BRD4: variants seen among roughly 807,000 people sequenced by gnomAD.
BRD4 encodes the protein bromodomain-containing protein 4.
A neutral mutation model predicts 142.1 loss-of-function variants in BRD4; 16 were observed. That is an observed-to-expected ratio of 0.11 (90% CI 0.08 to 0.17). BRD4 has a LOEUF of 0.17. Among genes scored for constraint, BRD4 ranks in the 10% least tolerant of loss-of-function variants. The probability of loss-of-function intolerance (pLI) is 1.00; values close to 1 mark genes in which losing one functional copy is unlikely to be tolerated. For missense variants in BRD4, 1,424 were observed against 1,810.9 expected (o/e 0.79, Z 3.88); for synonymous variants, 833 against 707.5 (o/e 1.18, Z -2.82).
rs1319478102 is a variant in BRD4 at position 15,236,472 on chromosome 19, G to C, written c.*1905C>G. The C allele has an allele frequency of 6.6e-6, 1 of 151,544 alleles. No homozygotes were observed. The highest frequency in any genetic ancestry group is 2.4e-5 in the African/African-American group (1 of 41,106). The allele number at this position is 151,544 out of a possible 1,614,324, so 9.4% of individuals were successfully genotyped here. Reference sequence around the variant, plus strand: ...GGAGTTAGGTTGAGGCAGGCAAGGTGGGAGAAGTGGCCCAAGTCCTTTGGT... The same window carrying C: ...GGAGTTAGGTTGAGGCAGGCAAGGTCGGAGAAGTGGCCCAAGTCCTTTGGT... On this transcript the variant is annotated 3_prime_UTR_variant, in exon 20 of 20. Transcript: ENST00000679869.
intron 13 of BRD4, among the ~76,000 whole-genome samples, chr19:15,243,832 G>GT (rs1361152895): frequency 2.6e-5 from 4 of 152,160 alleles, no homozygotes; most frequent in Non-Finnish European, 5.9e-5. Context: ...TATCCCCCAG[G>GT]TGAGTGCTGT....
chr19:15,303,412 G>A lies in BRD4; in HGVS notation c.-35+28878C>T, dbSNP rs552308078. On this transcript the variant is annotated intron_variant, in intron 1 of 19. Coordinates refer to ENST00000679869, the MANE Select transcript of BRD4 (RefSeq NM_001379291.1). ...CTATTTGCCTATGCGGGGATGGGGCGGGGGGAGAAGACGGTTAGGCAACAC... is the reference window on the plus strand; with the variant it reads ...CTATTTGCCTATGCGGGGATGGGGCAGGGGGAGAAGACGGTTAGGCAACAC... Among the ~76,000 whole-genome samples, 77 of 151,870 alleles carry A rather than the reference G, an allele frequency of 5.1e-4. 1 individual carries two copies. In the South Asian group the frequency reaches 0.013, roughly 27 times the overall value.
At chr19:15,328,921 G>A (rs2048132934) in intron 1 of BRD4, among the ~76,000 whole-genome samples, 1 of 152,128 alleles carries the variant, frequency 6.6e-6, no homozygotes, top group African/African-American at 2.4e-5. Context: ...TTACAGGCAT[G>A]CGCCACTATG....
rs200938410 is a variant in BRD4, at chr19:15,263,565, G to C, written c.1213-17C>G. The C allele has an allele frequency of 6.2e-7, 1 of 1,613,896 alleles. No individual in the cohort carries two copies. Among genetic ancestry groups the C allele is most frequent in the Non-Finnish European group, 8.5e-7 (1 of 1,179,770 alleles). On this transcript the variant is annotated splice_polypyrimidine_tract_variant and intron_variant, in intron 6 of 19. Transcript: ENST00000679869. ...CAGTTTAGACTGGAAAACAAGACAA[G>C]TCCCTGTTAGCTGTGTCTGCCCATG...
intron 7 of BRD4, among the ~76,000 whole-genome samples, chr19:15,262,200 G>A (rs979498579): frequency 7.9e-5 from 12 of 152,098 alleles, no homozygotes; most frequent in South Asian, 2.1e-4. Flanking sequence ...GCCTGGCACC[G>A]ATCCACAGGT....
At chr19:15,273,309 C>T (rs573168019) in intron 1 of BRD4, among the ~76,000 whole-genome samples, 176 bp from the exon 2 acceptor site, 2 of 152,308 alleles carry the variant, frequency 1.3e-5, no homozygotes, top group Admixed American at 6.5e-5. Flanking sequence ...GTCTCCTCTC[C>T]CCAAAGACTT....
Position 15,272,860 on chromosome 19 carries a change from T to C in BRD4, c.240A>G (p.Ala80=), listed in dbSNP as rs774481795. The change falls in exon 2 of 20, where the codon GCA becomes GCG. Residue 80 remains alanine, a synonymous_variant. Coordinates refer to ENST00000679869, the MANE Select transcript of BRD4 (RefSeq NM_001379291.1). ...VLKTLWKHQF[A]WPFQQPVDAV... ...CATCCACAGGCTGCTGGAAAGGCCATGCAAACTGGTGTTTCCATAGTGTCT... is the reference window on the plus strand; with the variant it reads ...CATCCACAGGCTGCTGGAAAGGCCACGCAAACTGGTGTTTCCATAGTGTCT... 5.0e-6 allele frequency: 8 copies of C among 1,614,040 alleles called. No homozygotes were observed. The Admixed American group carries it at 1.3e-4, about 27-fold the overall frequency.
In BRD4 at chr19:15,238,451, G is replaced by A. The variant is rs763189436; in HGVS notation, c.4021-6C>T. 8.1e-6 allele frequency: 13 copies of A among 1,614,114 alleles called. No homozygotes were observed. Among genetic ancestry groups the A allele is most frequent in the South Asian group, 7.7e-5 (7 of 91,080 alleles). ...ATGTCAATGGTAGCTGCCATCTGGA[G>A]GAGAAAGGAAGGAGGGAGTCAGGAG... On this transcript the variant is annotated splice_region_variant and splice_polypyrimidine_tract_variant and intron_variant, in intron 19 of 19. Transcript: ENST00000679869. The surrounding 1 kb of genome is among the most constrained non-coding windows in gnomAD (Gnocchi z 7.2).
At chr19:15,280,498 C>G in intron 1 of BRD4, 1 of 959,752 alleles carries the variant, frequency 1.0e-6, no homozygotes, top group Non-Finnish European at 1.3e-6. Context: ...CCTGCAGCAC[C>G]TGGCCATCTG....
intron 1 of BRD4, among the ~76,000 whole-genome samples, chr19:15,279,789 T>C (rs560098000): frequency 6.6e-6 from 1 of 152,214 alleles, no homozygotes; most frequent in Non-Finnish European, 1.5e-5. Flanking sequence ...TGGGACCAGC[T>C]ATACTTTGTA....
chr19:15,288,791 CTG>C lies in BRD4; in HGVS notation c.-34-15660_-34-15659del, dbSNP rs1193256834. Among the ~76,000 whole-genome samples, 5 of 152,312 alleles carry C rather than the reference CTG, an allele frequency of 3.3e-5. No individual in the cohort carries two copies. In the East Asian group the frequency reaches 7.7e-4, roughly 24 times the overall value. ...AGGGCTGAGTTCTAAGCACACTACT[CTG>C]TGAATGGCATGAATGAGCTCTTTCA... is the stretch of plus-strand genomic sequence containing the variant. On this transcript the variant is annotated intron_variant, in intron 1 of 19. Transcript: ENST00000679869.
chr19:15,269,375 G>A lies in BRD4; in HGVS notation c.286-333C>T, dbSNP rs527673023. On this transcript the variant is annotated intron_variant, in intron 2 of 19. Transcript: ENST00000679869. ...TCTTTCACTTTTAATAAATAAGGGG[G>A]AAACCAGGCAGCCTTTTAAAAAGCA... Among the ~76,000 whole-genome samples the A allele has an allele frequency of 2.0e-5, 3 of 152,258 alleles. No individual in the cohort carries two copies. In the East Asian group the frequency reaches 5.8e-4, roughly 29 times the overall value.
At chr19:15,323,414 T>C (rs1158568385) in intron 1 of BRD4, among the ~76,000 whole-genome samples, 1 of 152,162 alleles carries the variant, frequency 6.6e-6, no homozygotes, top group Non-Finnish European at 1.5e-5. Context: ...CACCTCCATG[T>C]AGTTTTTTTG....
intron 11 of BRD4, among the ~76,000 whole-genome samples, chr19:15,250,104 G>C (rs1335946380): frequency 1.3e-5 from 2 of 152,068 alleles, no homozygotes; most frequent in African/African-American, 4.8e-5. Context: ...CTACTCCCTG[G>C]CCCCTGAGTG....
rs907711148 is a variant in BRD4 at position 15,312,725 on chromosome 19, C to T, written c.-35+19565G>A. Among the ~76,000 whole-genome samples, 3 of 151,712 alleles carry T rather than the reference C, an allele frequency of 2.0e-5. No individual in the cohort carries two copies. The East Asian group carries it at 5.9e-4, about 30-fold the overall frequency. On this transcript the variant is annotated intron_variant, in intron 1 of 19. Coordinates refer to ENST00000679869, the MANE Select transcript of BRD4 (RefSeq NM_001379291.1). Reference sequence around the variant, plus strand: ...CTGAGGTAGGTGAACCACCTGAGGTCAGGAGTTCTAGACCAGCCTGGCCAA... The same window carrying T: ...CTGAGGTAGGTGAACCACCTGAGGTTAGGAGTTCTAGACCAGCCTGGCCAA...
At chr19:15,270,846 C>T (rs1016927513) in intron 2 of BRD4, among the ~76,000 whole-genome samples, 6 of 152,148 alleles carry the variant, frequency 3.9e-5, no homozygotes, top group Admixed American at 3.9e-4. Context: ...TGCCCTGAGA[C>T]CACTCTCACT....
intron 2 of BRD4, among the ~76,000 whole-genome samples, chr19:15,272,142 C>A (rs1404960162): frequency 6.6e-6 from 1 of 152,136 alleles, no homozygotes; most frequent in Non-Finnish European, 1.5e-5. Context: ...GCTTGCAGAA[C>A]AGTTTGCTAG....
intron 2 of BRD4, among the ~76,000 whole-genome samples, chr19:15,271,109 C>T (rs1019979432): frequency 6.6e-6 from 1 of 152,164 alleles, no homozygotes; most frequent in Non-Finnish European, 1.5e-5. Context: ...TCCCGCTGGC[C>T]AGCACTGTTC....
At chr19:15,254,130 C>T (rs368559633) in intron 11 of BRD4, 22 bp downstream of exon 11, 61 of 1,596,738 alleles carry the variant, frequency 3.8e-5, no homozygotes, top group Non-Finnish European at 4.7e-5. Flanking sequence ...TGGTAAGACA[C>T]GTAGAACACA....
Sources: allele counts gnomAD v4.1 joint callset (sites outside exome capture counted in the v4.1 genomes callset), GRCh38; gene constraint gnomAD v4.1.1; non-coding constraint Gnocchi (gnomAD v3.1); transcripts MANE v1.5; gene names NCBI Gene and HGNC (gene_info 2026-07-23, HGNC 2026-07-21).